Variants in MACROH2A1 observed in about 807,000 individuals in gnomAD.
MACROH2A1 encodes the protein macroH2A.1 histone, also known as core histone macro-H2A.1.
Under a neutral mutation model 31.6 loss-of-function variants are expected in MACROH2A1, and 2 were observed. The ratio of observed to expected loss-of-function variants is 0.06; its 90% CI spans 0.03 to 0.20. MACROH2A1 has a LOEUF of 0.20. Among genes scored for constraint, MACROH2A1 ranks in the 10% least tolerant of loss-of-function variants. The probability of loss-of-function intolerance (pLI) is 1.00; values close to 1 mark genes in which losing one functional copy is unlikely to be tolerated. For missense variants in MACROH2A1, 230 were observed against 474.0 expected (o/e 0.49, Z 4.78); for synonymous variants, 169 against 189.6 (o/e 0.89, Z 0.89).
intron 8 of MACROH2A1, among the ~76,000 whole-genome samples, chr5:135,341,929 G>A (rs1254511950): frequency 1.3e-5 from 2 of 152,236 alleles, no homozygotes; most frequent in Non-Finnish European, 2.9e-5. Context: ...CTGATGGGCA[G>A]AGACCCCAGA....
chr5:135,373,068 T>C (rs1164691717), intron 2 of MACROH2A1, among the ~76,000 whole-genome samples: 2 of 152,172 alleles, frequency 1.3e-5, no homozygotes, highest in African/African-American at 4.8e-5. Flanking sequence ...TTTTGCTAAG[T>C]CCTAAGCCCA....
chr5:135,335,212 G>A, intron 8 of MACROH2A1, 71 bp from the exon 9 acceptor site: 1 of 1,137,778 alleles, frequency 8.8e-7, no homozygotes, highest in Non-Finnish European at 1.3e-6. Flanking sequence ...CCACCTTACA[G>A]GCCACCTCCC....
At chr5:135,390,919 T>C (rs1170928357) in intron 1 of MACROH2A1, among the ~76,000 whole-genome samples, 1 of 152,174 alleles carries the variant, frequency 6.6e-6, no homozygotes, top group African/African-American at 2.4e-5. Context: ...AGAGGTAAGA[T>C]GGCAGAGGCC....
intron 8 of MACROH2A1, among the ~76,000 whole-genome samples, chr5:135,336,874 T>G (rs1729111550): frequency 6.6e-6 from 1 of 152,198 alleles, no homozygotes; most frequent in South Asian, 2.1e-4. Flanking sequence ...AAACTCAATC[T>G]TCCATTTTTG....
In MACROH2A1 at chr5:135,353,231, A is replaced by G. The variant is rs1477030568; in HGVS notation, c.589-186T>C. 25 of 563,010 alleles carry G rather than the reference A, an allele frequency of 4.4e-5. No individual in the cohort carries two copies. The East Asian group carries it at 6.8e-4, about 15-fold the overall frequency. The allele number at this position is 563,010 out of a possible 1,614,324, so 34.9% of individuals were successfully genotyped here. ...ACTCAAATGCTGCTCGGGATGCGGG[A>G]GCAAGCAAACTAGGATGAATGTTCA... On this transcript the variant is annotated intron_variant, in intron 5 of 8. Transcript: ENST00000511689.
Position 135,358,228 on chromosome 5 carries a change from T to C in MACROH2A1, c.588+2269A>G, listed in dbSNP as rs17168194. On this transcript the variant is annotated intron_variant, in intron 5 of 8. Transcript: ENST00000511689. Reference sequence around the variant, plus strand: ...AAAGTAATGCTTCAAAATAATGCTCTAATGTATCAATGCTCACTCCGTCTC... The same window carrying C: ...AAAGTAATGCTTCAAAATAATGCTCCAATGTATCAATGCTCACTCCGTCTC... The C allele has an allele frequency of 5.7e-4, 566 of 985,392 alleles. 3 individuals are homozygous for C. In the African/African-American group the frequency reaches 9.2e-3, roughly 16 times the overall value. 61.0% of individuals were successfully genotyped at this position (985,392 alleles called of 1,614,324 possible).
chr5:135,393,740 C>G (rs947055807), intron 1 of MACROH2A1, among the ~76,000 whole-genome samples: 2 of 152,174 alleles, frequency 1.3e-5, no homozygotes, highest in African/African-American at 4.8e-5. Context: ...TGCACATTAG[C>G]TTGACTGCCC....
At position 135,398,696 on chromosome 5, in the gene MACROH2A1, GGGGCCTCCTGCGGCCTC is replaced by G. The variant is rs1174537302; in HGVS notation, c.-34+349_-34+365del. 7.2e-5 allele frequency among the ~76,000 whole-genome samples: 11 copies of G among 152,200 alleles called. No homozygotes were observed. The highest frequency in any genetic ancestry group is 2.7e-4 in the African/African-American group (11 of 41,468). On this transcript the variant is annotated intron_variant, in intron 1 of 8. Coordinates refer to ENST00000511689, the MANE Select transcript of MACROH2A1 (RefSeq NM_138610.3). This position sits in a 1 kb window ranked among gnomAD's most constrained non-coding sequence, Gnocchi z 4.6. ...GCCCAGACTGCCTAGCCAGCGCCGC[GGGGCCTCCTGCGGCCTC>G]GGGCCTGGCCCGTGAGCCCGCCCCA...
chr5:135,366,853 G>T (rs999875290), intron 4 of MACROH2A1, among the ~76,000 whole-genome samples: 26 of 152,152 alleles, frequency 1.7e-4, no homozygotes, highest in African/African-American at 6.0e-4. Flanking sequence ...ATAGATGGAG[G>T]TAAATTGAGG....
intron 1 of MACROH2A1, among the ~76,000 whole-genome samples, chr5:135,390,188 C>T (rs1767020008): frequency 6.6e-6 from 1 of 152,238 alleles, no homozygotes; most frequent in African/African-American, 2.4e-5. Context: ...TCCATTATCT[C>T]TCACACTTGC....
At position 135,397,362 on chromosome 5, in the gene MACROH2A1, T is replaced by C. The variant is rs367571132; in HGVS notation, c.-34+1700A>G. On this transcript the variant is annotated intron_variant, in intron 1 of 8. Transcript: ENST00000511689. ...GGTAAAAACTAAACCAGTGGCATGG[T>C]TGTATACTAGAATGTCACATGTGAA... 8.5e-4 allele frequency among the ~76,000 whole-genome samples: 130 copies of C among 152,292 alleles called. 4 individuals are homozygous for C. In the South Asian group the frequency reaches 0.025, roughly 30 times the overall value.
intron 1 of MACROH2A1, among the ~76,000 whole-genome samples, chr5:135,392,253 C>A (rs538176153): frequency 7.2e-5 from 11 of 152,334 alleles, no homozygotes; most frequent in African/African-American, 2.6e-4. Flanking sequence ...CTTGACTGAA[C>A]TGCAAGCCAT....
chr5:135,353,321 T>A, intron 5 of MACROH2A1: 1 of 401,164 alleles, frequency 2.5e-6, no homozygotes, highest in South Asian at 2.9e-5. Context: ...AGATCAGCTT[T>A]CCTTTAAAGG....
rs557667297 is a variant in MACROH2A1 at position 135,398,681 on chromosome 5, C to T, written c.-34+381G>A. Among the ~76,000 whole-genome samples the T allele has an allele frequency of 2.0e-5, 3 of 152,336 alleles. No homozygotes were observed. Among genetic ancestry groups the T allele is most frequent in the African/African-American group, 7.2e-5 (3 of 41,590 alleles). ...CTCCCGGGTGCCCAGGCCCAGACTG[C>T]CTAGCCAGCGCCGCGGGGCCTCCTG... is the stretch of plus-strand genomic sequence containing the variant. On this transcript the variant is annotated intron_variant, in intron 1 of 8. Coordinates refer to ENST00000511689, the MANE Select transcript of MACROH2A1 (RefSeq NM_138610.3). The surrounding 1 kb of genome is among the most constrained non-coding windows in gnomAD (Gnocchi z 4.6).
intron 8 of MACROH2A1, among the ~76,000 whole-genome samples, chr5:135,342,051 G>A (rs1015990572): frequency 6.6e-6 from 1 of 152,230 alleles, no homozygotes; most frequent in African/African-American, 2.4e-5. Flanking sequence ...GGCGCAAGTT[G>A]TTAACAGCTA....
At chr5:135,383,624 C>A (rs781072302) in intron 2 of MACROH2A1, among the ~76,000 whole-genome samples, 4 of 151,478 alleles carry the variant, frequency 2.6e-5, no homozygotes, top group African/African-American at 4.9e-5. Flanking sequence ...TTTAAGAATT[C>A]AGATAAAATT....
intron 2 of MACROH2A1, among the ~76,000 whole-genome samples, chr5:135,384,941 A>G (rs1242285383): frequency 6.6e-6 from 1 of 152,192 alleles, no homozygotes; most frequent in African/African-American, 2.4e-5. Context: ...GTGGACCCCA[A>G]GTGGTCCCCA....
intron 4 of MACROH2A1, among the ~76,000 whole-genome samples, chr5:135,367,093 C>T (rs1444269979): frequency 6.6e-6 from 1 of 152,216 alleles, no homozygotes; most frequent in African/African-American, 2.4e-5. Context: ...AAAATACCAA[C>T]TCTCACTACA....
At chr5:135,365,809 G>A (rs977862327) in intron 4 of MACROH2A1, among the ~76,000 whole-genome samples, 5 of 152,208 alleles carry the variant, frequency 3.3e-5, no homozygotes, top group Admixed American at 6.5e-5. Context: ...TGTGAGGACA[G>A]AGATCCACAA....
Sources: allele counts gnomAD v4.1 joint callset (sites outside exome capture counted in the v4.1 genomes callset), GRCh38; gene constraint gnomAD v4.1.1; non-coding constraint Gnocchi (gnomAD v3.1); transcripts MANE v1.5; gene names NCBI Gene and HGNC (gene_info 2026-07-23, HGNC 2026-07-21).